Variants in AK6 observed in about 807,000 individuals in gnomAD.
AK6 encodes the protein adenylate kinase isoenzyme 6.
AK6 carries 24 observed loss-of-function variants against 23.7 expected under a neutral mutation model. That is an observed-to-expected ratio of 1.01 (90% CI 0.73 to 1.43). The LOEUF (loss-of-function observed/expected upper bound fraction) is 1.43, where lower values mean the gene tolerates loss of function less well. Among genes scored for constraint, AK6 ranks in the 40% most tolerant of loss-of-function variants. The pLI is 0.00. For missense variants in AK6, 191 were observed against 199.1 expected (o/e 0.96, Z 0.24); for synonymous variants, 73 against 69.8 (o/e 1.05, Z -0.23).
chr5:69,361,214 C>A (rs957201243), intron 2 of AK6, among the ~76,000 whole-genome samples: 3 of 151,706 alleles, frequency 2.0e-5, no homozygotes, highest in Non-Finnish European at 4.4e-5. Context: ...AGTGCAGTGG[C>A]GCGATCTTGG....
chr5:69,365,748 G>T, intron 2 of AK6: 2 of 1,520,924 alleles, frequency 1.3e-6, no homozygotes, highest in East Asian at 4.5e-5. Flanking sequence ...GATATCCGAT[G>T]ATCAGACTTT....
intron 2 of AK6, chr5:69,364,782 G>T: frequency 1.4e-6 from 1 of 722,976 alleles, no homozygotes. Flanking sequence ...CACTTTTAAG[G>T]CTGATGAAAA....
chr5:69,368,244 C>T (rs1193709533), intron 1 of AK6, among the ~76,000 whole-genome samples: 1 of 152,134 alleles, frequency 6.6e-6, no homozygotes, highest in African/African-American at 2.4e-5. Flanking sequence ...TTGTTCTTTA[C>T]CTTCCCCTTC....
intron 4 of AK6, among the ~76,000 whole-genome samples, chr5:69,354,890 A>C (rs1762041219): frequency 6.6e-6 from 1 of 152,048 alleles, no homozygotes; most frequent in Non-Finnish European, 1.5e-5. Context: ...CAGTGGTGTG[A>C]TCTCAGCTCA....
At chr5:69,352,600 A>G (rs1484527864) in intron 4 of AK6, among the ~76,000 whole-genome samples, 3 of 152,218 alleles carry the variant, frequency 2.0e-5, no homozygotes, top group African/African-American at 7.2e-5. Context: ...AATCTGAGTA[A>G]ATATTTCTCC....
intron 2 of AK6, among the ~76,000 whole-genome samples, chr5:69,361,897 A>T (rs11948887): frequency 1.1e-4 from 16 of 150,590 alleles, no homozygotes; most frequent in Non-Finnish European, 2.2e-4. Context: ...ATGAGCCACC[A>T]TGCTGGGCCA....
intron 1 of AK6, among the ~76,000 whole-genome samples, chr5:69,368,182 T>C (rs1233788877): frequency 6.6e-6 from 1 of 152,196 alleles, no homozygotes; most frequent in East Asian, 1.9e-4. Context: ...TACTCTTTGT[T>C]ATATAAATAC....
rs577414408 is a variant in AK6 at position 69,369,458 on chromosome 5, C to T, written c.28+5G>A. The T allele has an allele frequency of 6.2e-7, 1 of 1,610,596 alleles. No homozygotes were observed. Among genetic ancestry groups the T allele is most frequent in the East Asian group, 2.2e-5 (1 of 44,774 alleles). On this transcript the variant is annotated splice_donor_5th_base_variant and intron_variant, in intron 1 of 4. Coordinates refer to ENST00000380822, the MANE Select transcript of AK6 (RefSeq NM_016283.5). Reference sequence around the variant, plus strand: ...GCCCAGTCCCTCCCGGCCGCGCGCCCTGACCGGTGAGCAGGATGTTCGGAA... The same window carrying T: ...GCCCAGTCCCTCCCGGCCGCGCGCCTTGACCGGTGAGCAGGATGTTCGGAA...
intron 2 of AK6, among the ~76,000 whole-genome samples, chr5:69,358,467 G>A (rs1051297239): frequency 7.3e-6 from 1 of 136,408 alleles, no homozygotes; most frequent in Non-Finnish European, 1.5e-5. Flanking sequence ...GCAGTGAGCT[G>A]AGATCGCGCC....
intron 2 of AK6, among the ~76,000 whole-genome samples, chr5:69,357,521 T>G (rs1429469710): frequency 6.6e-6 from 1 of 152,052 alleles, no homozygotes; most frequent in African/African-American, 2.4e-5. Context: ...ATAATCAAAT[T>G]CTAAGAAAAG....
intron 4 of AK6, among the ~76,000 whole-genome samples, chr5:69,354,635 T>TG (rs747527616): frequency 2.0e-5 from 3 of 152,230 alleles, no homozygotes; most frequent in Non-Finnish European, 4.4e-5. Flanking sequence ...GCTCTATTTG[T>TG]GGGTTTAACT....
At chr5:69,369,231 C>CCA in intron 1 of AK6, 1 of 99,436 alleles carries the variant, frequency 1.0e-5, no homozygotes, top group South Asian at 2.8e-4. Flanking sequence ...TCTCCACCCC[C>CCA]CCCCGCCCCC....
In AK6 at chr5:69,351,551, T is replaced by C. The variant is rs1456031059; in HGVS notation, c.*510A>G. The C allele has an allele frequency of 1.3e-5, 2 of 152,438 alleles. No homozygotes were observed. The highest frequency in any genetic ancestry group is 2.1e-4 in the South Asian group (1 of 4,832). 9.4% of individuals were successfully genotyped at this position (152,438 alleles called of 1,614,324 possible). On this transcript the variant is annotated 3_prime_UTR_variant, in exon 5 of 5. Transcript: ENST00000380822. ...GGCATAAAACCTCTAAAAAGACATA[T>C]AGGAAACCAGTAACATTATTTCCTA...
rs1030326254 is a variant in AK6 at position 69,352,053 on chromosome 5, C to T, written c.*8G>A. 5.0e-6 allele frequency: 8 copies of T among 1,597,680 alleles called. No individual in the cohort carries two copies. The African/African-American group carries it at 9.4e-5, about 19-fold the overall frequency. The stretch of plus-strand genomic sequence containing the variant: ...CAAGAGTGATTATTAAGTAGCTAGC[C>T]TTATAAGTCAAGAGTTATGATCTTT... On this transcript the variant is annotated 3_prime_UTR_variant, in exon 5 of 5. Coordinates refer to ENST00000380822, the MANE Select transcript of AK6 (RefSeq NM_016283.5).
chr5:69,361,969 CTTTTTTTTTTTT>C lies in AK6; in HGVS notation c.121+4522_121+4533del, dbSNP rs112797204. 3.0e-4 allele frequency among the ~76,000 whole-genome samples: 31 copies of C among 104,832 alleles called. 1 individual carries two copies. Among genetic ancestry groups the C allele is most frequent in the African/African-American group, 1.1e-3 (31 of 29,092 alleles). 68.8% of individuals were successfully genotyped at this position (104,832 alleles called of 152,430 possible). On this transcript the variant is annotated intron_variant, in intron 2 of 4. Transcript: ENST00000380822. The stretch of plus-strand genomic sequence containing the variant: ...GGCCAGTTTTCTTAAACTTGATTCC[CTTTTTTTTTTTT>C]TTTTTTTTTGCCTTGGTTTTGGGAG...
At chr5:69,366,347 A>G (rs1762423955) in intron 2 of AK6, 156 bp downstream of exon 2, 2 of 180,762 alleles carry the variant, frequency 1.1e-5, no homozygotes, top group African/African-American at 2.4e-5. Flanking sequence ...ACATAGCATT[A>G]GACACTTAAT....
At chr5:69,353,595 C>T (rs1017887523) in intron 4 of AK6, among the ~76,000 whole-genome samples, 1 of 152,042 alleles carries the variant, frequency 6.6e-6, no homozygotes, top group Non-Finnish European at 1.5e-5. Context: ...CGCGCCCACC[C>T]CCAAAATTTT....
intron 2 of AK6, among the ~76,000 whole-genome samples, chr5:69,356,984 C>T (rs1762100117): frequency 6.6e-6 from 1 of 152,162 alleles, no homozygotes. Context: ...TAGCCCCAGC[C>T]CTTAGGAGGT....
rs1401681573 is a variant in AK6 at position 69,351,979 on chromosome 5, A to T, written c.*82T>A. On this transcript the variant is annotated 3_prime_UTR_variant, in exon 5 of 5. Coordinates refer to ENST00000380822, the MANE Select transcript of AK6 (RefSeq NM_016283.5). ...TGGTTCTGCAACATGATTTTAATAA[A>T]GTGTTACTGACACTTGAACAATTTC... 8.3e-7 allele frequency: 1 copy of T among 1,205,038 alleles called. No individual in the cohort carries two copies. Among genetic ancestry groups the T allele is most frequent in the East Asian group, 2.4e-5 (1 of 42,134 alleles). The allele number at this position is 1,205,038 out of a possible 1,614,324, so 74.6% of individuals were successfully genotyped here. A position where few individuals can be genotyped will look rare whatever the true frequency, so the allele number is the denominator to read the frequency against.
Sources: allele counts gnomAD v4.1 joint callset (sites outside exome capture counted in the v4.1 genomes callset), GRCh38; gene constraint gnomAD v4.1.1; transcripts MANE v1.5; gene names NCBI Gene and HGNC (gene_info 2026-07-23, HGNC 2026-07-21).